COL19A1: variants seen among roughly 807,000 people sequenced by gnomAD.
COL19A1 encodes the protein collagen type XIX alpha 1 chain, also known as collagen alpha-1(XIX) chain.
A neutral mutation model predicts 190.2 loss-of-function variants in COL19A1; 159 were observed. That is an observed-to-expected ratio of 0.84 (90% CI 0.73 to 0.95). COL19A1 has a LOEUF of 0.95. Ranked by LOEUF, COL19A1 falls within the 40% of genes least tolerant of loss-of-function variation. The probability of loss-of-function intolerance (pLI) is 0.00; values close to 1 mark genes in which losing one functional copy is unlikely to be tolerated. For synonymous variants in COL19A1, 509 were observed against 458.9 expected (o/e 1.11, Z -1.39); for missense variants, 1,418 against 1,431.9 (o/e 0.99, Z 0.16).
chr6:70,027,241 G>T (rs905829110), intron 12 of COL19A1, among the ~76,000 whole-genome samples: 2 of 152,018 alleles, frequency 1.3e-5, no homozygotes, highest in African/African-American at 4.8e-5. Context: ...AGTCTTTATT[G>T]CTGTGTATTA....
intron 48 of COL19A1, among the ~76,000 whole-genome samples, chr6:70,195,133 G>A (rs1767112364): frequency 1.2e-5 from 1 of 84,524 alleles, no homozygotes; most frequent in Non-Finnish European, 2.3e-5. Context: ...ATACATCATT[G>A]ATGATATATA....
At chr6:70,020,253 A>C (rs1778344576) in intron 11 of COL19A1, among the ~76,000 whole-genome samples, 1 of 152,104 alleles carries the variant, frequency 6.6e-6, no homozygotes. Flanking sequence ...TTAAACCACT[A>C]CATGATATTT....
intron 10 of COL19A1, among the ~76,000 whole-genome samples, chr6:69,960,785 G>C (rs2150044919): frequency 6.6e-6 from 1 of 151,936 alleles, no homozygotes; most frequent in South Asian, 2.1e-4. Flanking sequence ...CGCCACCACA[G>C]CCGGCTAATT....
intron 16 of COL19A1, among the ~76,000 whole-genome samples, chr6:70,105,560 T>C (rs1783901760): frequency 6.6e-6 from 1 of 152,234 alleles, no homozygotes; most frequent in Non-Finnish European, 1.5e-5. Context: ...TTAAGAGATG[T>C]TCCCCCTTAA....
intron 15 of COL19A1, among the ~76,000 whole-genome samples, chr6:70,097,334 T>G (rs921216227): frequency 3.3e-5 from 5 of 152,182 alleles, no homozygotes; most frequent in African/African-American, 9.7e-5. Flanking sequence ...CTTAGTATAA[T>G]GTCCTTGAGG....
intron 17 of COL19A1, among the ~76,000 whole-genome samples, 171 bp downstream of exon 17, chr6:70,122,113 T>C (rs1435547678): frequency 2.6e-5 from 4 of 152,180 alleles, no homozygotes. Context: ...ATAAAAAAAG[T>C]ATTCTGTTCA....
chr6:69,952,110 G>A (rs1393297749), intron 9 of COL19A1, among the ~76,000 whole-genome samples: 1 of 151,748 alleles, frequency 6.6e-6, no homozygotes, highest in African/African-American at 2.4e-5. Context: ...TCTGACCCTA[G>A]GGATTCTGAC....
chr6:70,084,260 C>T (rs751475307), intron 15 of COL19A1, among the ~76,000 whole-genome samples: 8 of 152,090 alleles, frequency 5.3e-5, no homozygotes, highest in Non-Finnish European at 1.2e-4. Flanking sequence ...CGAGTTTAGA[C>T]TTAATGTTGA....
intron 15 of COL19A1, among the ~76,000 whole-genome samples, chr6:70,082,725 A>G (rs536975066): frequency 1.6e-4 from 25 of 152,272 alleles, no homozygotes; most frequent in African/African-American, 5.5e-4. Context: ...AAGCACTTAG[A>G]TAAAAGTTAT....
intron 14 of COL19A1, among the ~76,000 whole-genome samples, chr6:70,065,487 C>T (rs1781122050): frequency 6.6e-6 from 1 of 152,126 alleles, no homozygotes; most frequent in Non-Finnish European, 1.5e-5. Flanking sequence ...AAATGTTAGA[C>T]CTAAAACCAT....
At chr6:69,972,625 A>G (rs1201844973) in intron 11 of COL19A1, among the ~76,000 whole-genome samples, 1 of 152,250 alleles carries the variant, frequency 6.6e-6, no homozygotes, top group South Asian at 2.1e-4. Flanking sequence ...ATAGCTAGGG[A>G]TAAAAATTAA....
chr6:69,909,837 C>T (rs369161622), intron 4 of COL19A1, among the ~76,000 whole-genome samples: 1 of 152,108 alleles, frequency 6.6e-6, no homozygotes, highest in East Asian at 1.9e-4. Flanking sequence ...TAATAGGCCT[C>T]TCATATGGTA....
At chr6:69,897,345 T>A (rs186818920) in intron 2 of COL19A1, among the ~76,000 whole-genome samples, 5 of 152,130 alleles carry the variant, frequency 3.3e-5, no homozygotes, top group African/African-American at 1.2e-4. Context: ...TATAAAAAAA[T>A]TTATATCTGA....
intron 4 of COL19A1, among the ~76,000 whole-genome samples, chr6:69,924,840 T>C (rs1227105725): frequency 6.6e-6 from 1 of 152,244 alleles, no homozygotes; most frequent in Non-Finnish European, 1.5e-5. Flanking sequence ...TGGCCAGTGA[T>C]GATGAGCATT....
At chr6:70,126,396 A>G (rs1785196334) in intron 17 of COL19A1, among the ~76,000 whole-genome samples, 1 of 152,074 alleles carries the variant, frequency 6.6e-6, no homozygotes. Flanking sequence ...TTTAGGTTCT[A>G]ACTTCATTGC....
chr6:70,166,853 C>G (rs1240119623), intron 37 of COL19A1, among the ~76,000 whole-genome samples: 2 of 152,158 alleles, frequency 1.3e-5, no homozygotes, highest in Non-Finnish European at 2.9e-5. Flanking sequence ...TATTAGGGTT[C>G]AAATCCTAAA....
chr6:70,185,925 T>G (rs1766484123), intron 46 of COL19A1, among the ~76,000 whole-genome samples: 1 of 152,166 alleles, frequency 6.6e-6, no homozygotes, highest in African/African-American at 2.4e-5. Context: ...CTTACCCCAC[T>G]ACACAGAGAT....
chr6:69,937,403 C>A (rs1372142762), intron 8 of COL19A1, among the ~76,000 whole-genome samples: 2 of 152,168 alleles, frequency 1.3e-5, no homozygotes, highest in African/African-American at 4.8e-5. Flanking sequence ...TCTGTTGTTA[C>A]TCAAATAATT....
chr6:70,158,670 A>G (rs1158002387), intron 34 of COL19A1, among the ~76,000 whole-genome samples: 2 of 152,072 alleles, frequency 1.3e-5, no homozygotes, highest in Non-Finnish European at 2.9e-5. Flanking sequence ...TCTTGGGATA[A>G]TAATTGATAA....
Sources: allele counts gnomAD v4.1 joint callset (sites outside exome capture counted in the v4.1 genomes callset), GRCh38; gene constraint gnomAD v4.1.1; transcripts MANE v1.5; gene names NCBI Gene and HGNC (gene_info 2026-07-23, HGNC 2026-07-21).